Variants in RMDN3 observed in about 807,000 individuals in gnomAD.
The protein encoded by RMDN3 is regulator of microtubule dynamics protein 3.
Under a neutral mutation model 61.8 loss-of-function variants are expected in RMDN3, and 41 were observed. The ratio of observed to expected loss-of-function variants is 0.66; its 90% CI spans 0.52 to 0.86. RMDN3 has a LOEUF of 0.86. RMDN3 is among the 40% of genes least tolerant of loss of function. The pLI is 0.00. For synonymous variants in RMDN3, 247 were observed against 232.0 expected, an observed-to-expected ratio of 1.06 and a Z score of -0.59; for missense variants, 557 against 585.3, an observed-to-expected ratio of 0.95 and a Z score of 0.50.
chr15:40,745,678 TGAGA>T (rs1897508819), intron 4 of RMDN3, among the ~76,000 whole-genome samples: 1 of 152,026 alleles, frequency 6.6e-6, no homozygotes, highest in Admixed American at 6.6e-5. Flanking sequence ...AATCATTATT[TGAGA>T]GAAAGTTTCC....
intron 3 of RMDN3, 95 bp from the exon 4 acceptor site, chr15:40,751,664 T>A: frequency 6.5e-7 from 1 of 1,539,994 alleles, no homozygotes; most frequent in Non-Finnish European, 8.9e-7. Flanking sequence ...TGCTCCTCAT[T>A]AAAGGGCTAA....
chr15:40,749,722 C>A (rs1897732993), intron 4 of RMDN3, among the ~76,000 whole-genome samples: 1 of 152,216 alleles, frequency 6.6e-6, no homozygotes, highest in Non-Finnish European at 1.5e-5. Flanking sequence ...TCTCTCTCTT[C>A]AATTCAGATG....
At chr15:40,754,117 A>G (rs960343210) in intron 2 of RMDN3, among the ~76,000 whole-genome samples, 1 of 140,312 alleles carries the variant, frequency 7.1e-6, no homozygotes, top group African/African-American at 2.7e-5. Flanking sequence ...AGTAGAGAAA[A>G]CCACGACTGC....
intron 4 of RMDN3, 125 bp downstream of exon 4, chr15:40,751,301 T>TA: frequency 8.3e-7 from 1 of 1,212,070 alleles, no homozygotes; most frequent in Non-Finnish European, 1.2e-6. Flanking sequence ...CTCTTCTGTA[T>TA]TTATTATACT....
In RMDN3 at chr15:40,746,270, C is replaced by T. The variant is rs1007638887; in HGVS notation, c.525-1011G>A. ...GTGGCTCACGCCTGTAATCCCAGCA[C>T]TTTGGGAGGCCGAGGCGGGCGGATC... On this transcript the variant is annotated intron_variant, in intron 4 of 12. Coordinates refer to ENST00000338376, the MANE Select transcript of RMDN3 (RefSeq NM_018145.3). Among the ~76,000 whole-genome samples the T allele has an allele frequency of 8.5e-5, 13 of 152,280 alleles. No individual in the cohort carries two copies. In the East Asian group the frequency reaches 1.5e-3, roughly 18 times the overall value.
intron 4 of RMDN3, among the ~76,000 whole-genome samples, chr15:40,748,050 C>G (rs1008107971): frequency 1.5e-4 from 23 of 152,154 alleles, no homozygotes; most frequent in African/African-American, 5.5e-4. Flanking sequence ...AGAGGGAACT[C>G]AAGCTGTGTT....
In RMDN3 at chr15:40,736,598, G is replaced by A. The variant is rs758400366; in HGVS notation, c.1360-4C>T. The A allele has an allele frequency of 1.4e-5, 22 of 1,613,532 alleles. No homozygotes were observed. In the East Asian group the frequency reaches 4.7e-4, roughly 34 times the overall value. ...GGTCCTTCTGGATAGCCAAATCCTA[G>A]GGAGACAAAGAACAAATCTAGGGCT... On this transcript the variant is annotated splice_polypyrimidine_tract_variant and splice_region_variant and intron_variant, in intron 12 of 12. Transcript: ENST00000338376.
At chr15:40,753,956 CCT>C (rs999997174) in intron 2 of RMDN3, among the ~76,000 whole-genome samples, 35 of 152,160 alleles carry the variant, frequency 2.3e-4, no homozygotes, top group African/African-American at 8.2e-4. Flanking sequence ...TTCTTTTTGC[CCT>C]CTTTTGGACT....
chr15:40,742,159 CTAATTTTT>C (rs1290138328), intron 6 of RMDN3, among the ~76,000 whole-genome samples: 2 of 150,340 alleles, frequency 1.3e-5, no homozygotes, highest in Non-Finnish European at 3.0e-5. Context: ...CCATGCCTGG[CTAATTTTT>C]TAAGTTTTTT....
At chr15:40,751,591 G>A (rs762616605) in intron 3 of RMDN3, 22 bp from the exon 4 acceptor site, 16 of 1,614,006 alleles carry the variant, frequency 9.9e-6, no homozygotes, top group East Asian at 2.2e-5. Context: ...GCCCCATCCC[G>A]AAGGGTACCA....
chr15:40,740,109 C>T, intron 7 of RMDN3, 24 bp downstream of exon 7: 1 of 1,554,230 alleles, frequency 6.4e-7, no homozygotes, highest in Non-Finnish European at 8.9e-7. Context: ...TGGCTCTTCC[C>T]AGAACACTGC....
intron 5 of RMDN3, among the ~76,000 whole-genome samples, chr15:40,744,509 G>A (rs1014028042): frequency 6.6e-6 from 1 of 151,578 alleles, no homozygotes; most frequent in South Asian, 2.1e-4. Flanking sequence ...CTGGGGGGGG[G>A]GCATTTATAC....
intron 7 of RMDN3, 81 bp from the exon 8 acceptor site, chr15:40,738,657 T>G (rs1466228142): frequency 7.3e-7 from 1 of 1,366,996 alleles, no homozygotes; most frequent in African/African-American, 1.4e-5. Context: ...ACAGCCTAGT[T>G]GCATTGTCCC....
At chr15:40,750,568 G>T (rs772209836) in intron 4 of RMDN3, among the ~76,000 whole-genome samples, 1 of 151,672 alleles carries the variant, frequency 6.6e-6, no homozygotes, top group South Asian at 2.1e-4. Context: ...CTCCTGTCTC[G>T]GCCTCCCAAA....
Position 40,745,073 on chromosome 15 carries a change from A to G in RMDN3, c.711T>C (p.Asp237=), listed in dbSNP as rs757975537. 1.9e-6 allele frequency: 3 copies of G among 1,613,980 alleles called. No individual in the cohort carries two copies. The Admixed American group carries it at 5.0e-5, about 27-fold the overall frequency. ...LEAGGSSGLE[D]VLPLLQQADE... ...CGGCCTGCTGCAGGAGGGGCAGCAC[A>G]TCCTCCAAGCCTGAGGAACCTCCAG... Residue 237 remains aspartate, a synonymous_variant, in exon 5 of 13, where the codon GAT becomes GAC. Coordinates refer to ENST00000338376, the MANE Select transcript of RMDN3 (RefSeq NM_018145.3).
chr15:40,752,702 A>G (rs1418853951), intron 2 of RMDN3, among the ~76,000 whole-genome samples: 2 of 152,182 alleles, frequency 1.3e-5, no homozygotes, highest in Non-Finnish European at 2.9e-5. Flanking sequence ...TTAAGAGAAA[A>G]GGTACACCAG....
chr15:40,737,488 A>C, intron 10 of RMDN3, 140 bp downstream of exon 10: 2 of 1,117,206 alleles, frequency 1.8e-6, no homozygotes, highest in Non-Finnish European at 2.7e-6. Context: ...TGTGCAAGTG[A>C]TTCTGGTTTT....
chr15:40,737,519 AAAATTGC>A, intron 10 of RMDN3, 102 bp downstream of exon 10: 1 of 1,182,470 alleles, frequency 8.5e-7, no homozygotes, highest in Non-Finnish European at 1.2e-6. Flanking sequence ...AGGCAAACAC[AAAATTGC>A]CCCCGACTAG....
At chr15:40,741,093 AACG>A (rs758732168) in intron 6 of RMDN3, among the ~76,000 whole-genome samples, 6 of 151,846 alleles carry the variant, frequency 4.0e-5, no homozygotes, top group Admixed American at 6.6e-5. Flanking sequence ...AAACAACAAC[AACG>A]GATCCAACAC....
Sources: allele counts gnomAD v4.1 joint callset (sites outside exome capture counted in the v4.1 genomes callset), GRCh38; gene constraint gnomAD v4.1.1; transcripts MANE v1.5; gene names NCBI Gene and HGNC (gene_info 2026-07-23, HGNC 2026-07-21).